Variants in GALNT13 observed in about 807,000 individuals in gnomAD.
The protein encoded by GALNT13 is polypeptide N-acetylgalactosaminyltransferase 13, also known as UDP-GalNAc:polypeptide N-acetylgalactosaminyltransferase 13.
GALNT13 carries 28 observed loss-of-function variants against 64.2 expected under a neutral mutation model. The observed-to-expected ratio is 0.44, with a 90% CI of 0.32 to 0.60. The LOEUF (loss-of-function observed/expected upper bound fraction) is 0.60. Among genes scored for constraint, GALNT13 ranks in the 20% least tolerant of loss-of-function variants. The pLI, the probability that GALNT13 is intolerant of heterozygous loss-of-function variation, is 0.05. For synonymous variants in GALNT13, 214 were observed against 224.6 expected (o/e 0.95, Z 0.42); for missense variants, 577 against 669.8 (o/e 0.86, Z 1.53).
chr2:153,185,707 A>G, the GALNT13 span, among the ~76,000 whole-genome samples: 5 of 152,102 alleles, frequency 3.3e-5, no homozygotes, highest in African/African-American at 1.2e-4. Context: ...CTTTAATTTC[A>G]TTATTTACCC....
chr2:153,303,282 T>C, the GALNT13 span, among the ~76,000 whole-genome samples: 1 of 152,182 alleles, frequency 6.6e-6, no homozygotes, highest in Non-Finnish European at 1.5e-5. Context: ...TGCTCCTAAG[T>C]TATTTTATTA....
At chr2:153,196,247 G>A in the GALNT13 span, among the ~76,000 whole-genome samples, 1 of 152,184 alleles carries the variant, frequency 6.6e-6, no homozygotes, top group Non-Finnish European at 1.5e-5. Flanking sequence ...CATCCATGAT[G>A]TCCAGGCTGC....
Position 154,074,815 on chromosome 2 carries a change from A to G in GALNT13, c.143-65522A>G, listed in dbSNP as rs1391000494. On this transcript the variant is annotated intron_variant, in intron 3 of 12. Coordinates refer to ENST00000392825, the MANE Select transcript of GALNT13 (RefSeq NM_052917.4). ...AATCAATAAATGTAATTCACCACAT[A>G]ATAGATGCAGAAAAGTCCTTTGATA... 2.6e-5 allele frequency among the ~76,000 whole-genome samples: 4 copies of G among 152,054 alleles called. No homozygotes were observed. The East Asian group carries it at 5.8e-4, about 22-fold the overall frequency.
the GALNT13 span, among the ~76,000 whole-genome samples, chr2:153,422,589 C>T: frequency 1.3e-5 from 2 of 152,014 alleles, no homozygotes; most frequent in Non-Finnish European, 1.5e-5. Flanking sequence ...GTAAAAAGTG[C>T]TCAAAGTTAA....
At chr2:153,315,524 A>G in the GALNT13 span, among the ~76,000 whole-genome samples, 3 of 152,236 alleles carry the variant, frequency 2.0e-5, no homozygotes, top group Non-Finnish European at 4.4e-5. Flanking sequence ...CCAAACAACA[A>G]TGTTCAAAAT....
chr2:153,481,496 G>A, the GALNT13 span, among the ~76,000 whole-genome samples: 3 of 152,142 alleles, frequency 2.0e-5, no homozygotes, highest in African/African-American at 7.2e-5. Context: ...ATGAACATAT[G>A]GTATGCAGGG....
chr2:153,682,902 G>A, the GALNT13 span, among the ~76,000 whole-genome samples: 1 of 151,616 alleles, frequency 6.6e-6, no homozygotes, highest in Admixed American at 6.6e-5. Context: ...AGCAGACAGG[G>A]CACACCTTTC....
At chr2:153,649,506 G>C in the GALNT13 span, among the ~76,000 whole-genome samples, 3 of 145,436 alleles carry the variant, frequency 2.1e-5, no homozygotes, top group African/African-American at 7.7e-5. Flanking sequence ...CCTTCTGCTA[G>C]CTTTTGAATG....
the GALNT13 span, among the ~76,000 whole-genome samples, chr2:153,195,014 G>A: frequency 6.6e-6 from 1 of 152,146 alleles, no homozygotes. Flanking sequence ...GTATATGTTG[G>A]CATTGGTGTT....
At chr2:154,175,647 T>C (rs2105713948) in intron 4 of GALNT13, among the ~76,000 whole-genome samples, 1 of 152,298 alleles carries the variant, frequency 6.6e-6, no homozygotes, top group African/African-American at 2.4e-5. Context: ...AGAATTAATT[T>C]TTAAGTGTAC....
chr2:153,705,300 CCTCT>C, the GALNT13 span, among the ~76,000 whole-genome samples: 2 of 151,644 alleles, frequency 1.3e-5, no homozygotes, highest in East Asian at 1.9e-4. Context: ...TACTTTCTGC[CCTCT>C]CTAAGTCATA....
At chr2:153,117,007 G>A in the GALNT13 span, among the ~76,000 whole-genome samples, 1 of 151,848 alleles carries the variant, frequency 6.6e-6, no homozygotes, top group Non-Finnish European at 1.5e-5. Context: ...CACCATGTTA[G>A]CCAGGATGGT....
At chr2:153,235,297 C>A in the GALNT13 span, among the ~76,000 whole-genome samples, 1 of 152,110 alleles carries the variant, frequency 6.6e-6, no homozygotes, top group South Asian at 2.1e-4. Flanking sequence ...GAGAGTGAGT[C>A]CAAAGTAAAA....
At chr2:153,743,039 G>A in the GALNT13 span, among the ~76,000 whole-genome samples, 1 of 84,402 alleles carries the variant, frequency 1.2e-5, no homozygotes, top group Non-Finnish European at 2.3e-5. Flanking sequence ...GGAGGGGAGG[G>A]GAAATGAGGG....
intron 3 of GALNT13, among the ~76,000 whole-genome samples, chr2:153,961,616 C>A (rs1574213024): frequency 1.3e-5 from 2 of 152,164 alleles, no homozygotes; most frequent in East Asian, 1.9e-4. Context: ...AATTAGCAGA[C>A]CCAACTTCAT....
chr2:153,156,461 T>C, the GALNT13 span, among the ~76,000 whole-genome samples: 2 of 152,182 alleles, frequency 1.3e-5, no homozygotes, highest in East Asian at 3.9e-4. Context: ...GGAAGTTGGA[T>C]AAAGACATAT....
At chr2:153,823,073 T>C in the GALNT13 span, among the ~76,000 whole-genome samples, 2 of 152,110 alleles carry the variant, frequency 1.3e-5, no homozygotes, top group Non-Finnish European at 2.9e-5. Flanking sequence ...ACCAAGGAAG[T>C]GAAAGTTCTG....
chr2:153,541,361 T>G, the GALNT13 span, among the ~76,000 whole-genome samples: 1 of 152,186 alleles, frequency 6.6e-6, no homozygotes, highest in Admixed American at 6.5e-5. Flanking sequence ...ATCTCTTTCC[T>G]TTATAAATTA....
chr2:153,927,758 G>A (rs975579306), intron 2 of GALNT13, among the ~76,000 whole-genome samples: 1 of 151,830 alleles, frequency 6.6e-6, no homozygotes, highest in African/African-American at 2.4e-5. Context: ...AACTTTACCA[G>A]GAAGTTTGCA....
Sources: gnomAD v4.1 joint callset for allele counts (sites outside exome capture counted in the v4.1 genomes callset) on GRCh38, gnomAD v4.1.1 for gene constraint, MANE v1.5 for transcripts, NCBI Gene and HGNC (gene_info 2026-07-23, HGNC 2026-07-21) for gene names.